SH3BGRL2: variants seen among roughly 807,000 people sequenced by gnomAD.
The protein encoded by SH3BGRL2 is SH3 domain-binding glutamic acid-rich-like protein 2.
A neutral mutation model predicts 14.8 loss-of-function variants in SH3BGRL2; 21 were observed. The ratio of observed to expected loss-of-function variants is 1.42; its 90% CI spans 1.01 to 2.05. The LOEUF (loss-of-function observed/expected upper bound fraction) is 2.05. Ranked by LOEUF, SH3BGRL2 falls within the 30% of genes most tolerant of loss-of-function variation. SH3BGRL2 has a pLI of 0.00. For missense variants in SH3BGRL2, 147 were observed against 130.8 expected, an observed-to-expected ratio of 1.12 and a Z score of -0.61; for synonymous variants, 50 against 47.8, an observed-to-expected ratio of 1.05 and a Z score of -0.19.
intron 1 of SH3BGRL2, among the ~76,000 whole-genome samples, chr6:79,653,297 T>C (rs1381782297): frequency 6.6e-6 from 1 of 152,210 alleles, no homozygotes; most frequent in Middle Eastern, 3.2e-3. Context: ...AAATTGGGTG[T>C]GTTCCCTTTC....
chr6:79,678,120 C>A (rs565768312), intron 2 of SH3BGRL2, among the ~76,000 whole-genome samples: 190 of 152,042 alleles, frequency 1.2e-3, no homozygotes, highest in Non-Finnish European at 2.2e-3. Flanking sequence ...TATAATTTTT[C>A]TTATTTTTAT....
At chr6:79,606,602 G>C in the SH3BGRL2 span, among the ~76,000 whole-genome samples, 1 of 152,110 alleles carries the variant, frequency 6.6e-6, no homozygotes, top group Non-Finnish European at 1.5e-5. Flanking sequence ...ACTGTGTCAA[G>C]GAAATTTGAT....
the SH3BGRL2 span, among the ~76,000 whole-genome samples, chr6:79,604,823 C>T: frequency 6.6e-6 from 1 of 152,152 alleles, no homozygotes; most frequent in East Asian, 1.9e-4. Flanking sequence ...GATGACTAGA[C>T]CCTGGACTTT....
At chr6:79,589,507 G>T in the SH3BGRL2 span, among the ~76,000 whole-genome samples, 2 of 151,980 alleles carry the variant, frequency 1.3e-5, no homozygotes, top group Non-Finnish European at 2.9e-5. Flanking sequence ...TCATTGAAGA[G>T]CAAAACTTAT....
chr6:79,667,184 A>G (rs953355746), intron 1 of SH3BGRL2, among the ~76,000 whole-genome samples: 1 of 152,256 alleles, frequency 6.6e-6, no homozygotes, highest in African/African-American at 2.4e-5. Context: ...ACTGCTTCAT[A>G]GTCACAAAGA....
At chr6:79,596,031 TAAAC>T in the SH3BGRL2 span, among the ~76,000 whole-genome samples, 131 of 152,184 alleles carry the variant, frequency 8.6e-4, 1 homozygote, top group African/African-American at 2.8e-3. Flanking sequence ...ATAGTAACAA[TAAAC>T]AAACAAAATA....
At chr6:79,624,268 A>G in the SH3BGRL2 span, among the ~76,000 whole-genome samples, 1 of 149,978 alleles carries the variant, frequency 6.7e-6, no homozygotes, top group African/African-American at 2.4e-5. Flanking sequence ...AATACTATAT[A>G]TAGTATATCA....
At chr6:79,658,605 G>A (rs148977723) in intron 1 of SH3BGRL2, among the ~76,000 whole-genome samples, 2,564 of 152,294 alleles carry the variant, frequency 0.017, 73 homozygotes, top group African/African-American at 0.059. Context: ...ATAAACATAT[G>A]TGTGCATGTG....
intron 1 of SH3BGRL2, among the ~76,000 whole-genome samples, chr6:79,672,175 C>T (rs1769787594): frequency 1.3e-5 from 2 of 152,138 alleles, no homozygotes; most frequent in South Asian, 4.1e-4. Context: ...TCTGTGGAAG[C>T]TAGGGTGCCA....
intron 1 of SH3BGRL2, among the ~76,000 whole-genome samples, chr6:79,647,963 G>A (rs1769176656): frequency 6.6e-6 from 1 of 151,880 alleles, no homozygotes; most frequent in Non-Finnish European, 1.5e-5. Flanking sequence ...AAGACAAGTG[G>A]CTACCCTGTA....
chr6:79,554,220 T>C, the SH3BGRL2 span, among the ~76,000 whole-genome samples: 2 of 152,188 alleles, frequency 1.3e-5, no homozygotes, highest in Admixed American at 6.5e-5. Context: ...TTTCCTGTTG[T>C]GACCACAGTA....
At chr6:79,619,127 A>G in the SH3BGRL2 span, among the ~76,000 whole-genome samples, 1 of 152,024 alleles carries the variant, frequency 6.6e-6, no homozygotes, top group African/African-American at 2.4e-5. Context: ...AAAACTATAT[A>G]AAAAACATGA....
At chr6:79,651,319 T>C (rs2127726486) in intron 1 of SH3BGRL2, among the ~76,000 whole-genome samples, 1 of 152,332 alleles carries the variant, frequency 6.6e-6, no homozygotes, top group Non-Finnish European at 1.5e-5. Flanking sequence ...TGAAGAGTTG[T>C]ATATAATTTT....
the SH3BGRL2 span, among the ~76,000 whole-genome samples, chr6:79,544,858 A>G: frequency 1.3e-5 from 2 of 152,226 alleles, no homozygotes; most frequent in East Asian, 1.9e-4. Flanking sequence ...TTAACATTAC[A>G]TGAGCCAGGC....
chr6:79,591,869 G>A, the SH3BGRL2 span, among the ~76,000 whole-genome samples: 1 of 152,194 alleles, frequency 6.6e-6, no homozygotes, highest in African/African-American at 2.4e-5. Flanking sequence ...ATGCCCTGCT[G>A]ATACCTGTCT....
At chr6:79,638,075 G>A (rs1256217967) in intron 1 of SH3BGRL2, among the ~76,000 whole-genome samples, 2 of 152,062 alleles carry the variant, frequency 1.3e-5, no homozygotes, top group Non-Finnish European at 2.9e-5. Flanking sequence ...TCAAATCAGG[G>A]TAATTGGCTT....
chr6:79,693,663 T>A (rs1027135260), intron 2 of SH3BGRL2, among the ~76,000 whole-genome samples: 4 of 152,222 alleles, frequency 2.6e-5, no homozygotes, highest in Non-Finnish European at 1.5e-5. Flanking sequence ...ATTACATTTA[T>A]TGATTTGCAT....
chr6:79,540,328 G>C, the SH3BGRL2 span, among the ~76,000 whole-genome samples: 2 of 151,986 alleles, frequency 1.3e-5, no homozygotes, highest in African/African-American at 4.8e-5. Flanking sequence ...CCAGCTACTC[G>C]GGAGGCTGAG....
chr6:79,557,292 GGAAA>G, the SH3BGRL2 span, among the ~76,000 whole-genome samples: 1 of 151,456 alleles, frequency 6.6e-6, no homozygotes, highest in Non-Finnish European at 1.5e-5. Flanking sequence ...ATTAGAAAAA[GGAAA>G]TACAGAATTA....
Sources: allele counts gnomAD v4.1 joint callset (sites outside exome capture counted in the v4.1 genomes callset), GRCh38; gene constraint gnomAD v4.1.1; transcripts MANE v1.5; gene names NCBI Gene and HGNC (gene_info 2026-07-23, HGNC 2026-07-21).